KLF8: variants seen among roughly 807,000 people sequenced by gnomAD.
The protein encoded by KLF8 is Krueppel-like factor 8.
In KLF8, 10 loss-of-function variants were observed where a neutral mutation model predicts 18.2. The ratio of observed to expected loss-of-function variants is 0.55; its 90% CI spans 0.34 to 0.93. The LOEUF is 0.93. Among genes scored for constraint, KLF8 ranks in the 40% least tolerant of loss-of-function variants. The pLI is 0.02. For synonymous variants in KLF8, 109 were observed against 97.3 expected (o/e 1.12, Z -0.71); for missense variants, 264 against 277.9 (o/e 0.95, Z 0.36).
Position 56,266,941 on chromosome X carries a change from T to C in KLF8, c.646+1197T>C, listed in dbSNP as rs921644019. 3 of 751,958 alleles carry C rather than the reference T, an allele frequency of 4.0e-6. No individual in the cohort carries two copies. In the African/African-American group the frequency reaches 6.9e-5, roughly 17 times the overall value. 62.0% of individuals were successfully genotyped at this position (751,958 alleles called of 1,213,427 possible). A position where few individuals can be genotyped will look rare whatever the true frequency, so the allele number is the denominator to read the frequency against. On this transcript the variant is annotated intron_variant, in intron 3 of 5. Coordinates refer to ENST00000468660, the MANE Select transcript of KLF8 (RefSeq NM_007250.5). ...ATTGACTAGTGGTTAATTGTGGTAA[T>C]GATAAGTGTTCATAATCTTATTTTG... is the stretch of plus-strand genomic sequence containing the variant.
the KLF8 span, among the ~76,000 whole-genome samples, chrX:56,105,637 C>T: frequency 9.2e-6 from 1 of 108,517 alleles, no homozygotes; most frequent in Non-Finnish European, 1.9e-5. Context: ...GAATACAGCA[C>T]ACTGATGGTT....
At chrX:55,956,099 G>A in the KLF8 span, among the ~76,000 whole-genome samples, 1 of 109,799 alleles carries the variant, frequency 9.1e-6, no homozygotes, top group African/African-American at 3.3e-5. Context: ...AATCACATGA[G>A]CGAATTCCTT....
At chrX:55,961,619 C>A in the KLF8 span, 3 of 432,081 alleles carry the variant, frequency 6.9e-6, no homozygotes, top group East Asian at 9.2e-5. Context: ...GCGACCTTAA[C>A]GATCAGAGCC....
chrX:56,198,135 C>T, the KLF8 span, among the ~76,000 whole-genome samples: 1 of 112,069 alleles, frequency 8.9e-6, no homozygotes, highest in East Asian at 2.8e-4. Context: ...CAATATCATA[C>T]TGAATGGACA....
the KLF8 span, among the ~76,000 whole-genome samples, chrX:56,199,722 C>T: frequency 9.0e-6 from 1 of 111,571 alleles, no homozygotes; most frequent in Non-Finnish European, 1.9e-5. Context: ...CCAGCAATTC[C>T]TTTATTTGAT....
At chrX:56,029,186 C>T in the KLF8 span, among the ~76,000 whole-genome samples, 6 of 110,627 alleles carry the variant, frequency 5.4e-5, no homozygotes, top group African/African-American at 2.0e-4. Context: ...TTAGCTAGTG[C>T]CGGTTTTATC....
At chrX:56,008,276 C>T in the KLF8 span, among the ~76,000 whole-genome samples, 1 of 108,922 alleles carries the variant, frequency 9.2e-6, no homozygotes, top group Non-Finnish European at 1.9e-5. Flanking sequence ...AGGAGGCTCC[C>T]ACTGAGAAGA....
the KLF8 span, among the ~76,000 whole-genome samples, chrX:56,158,734 T>A: frequency 1.8e-5 from 2 of 112,314 alleles, no homozygotes; most frequent in East Asian, 5.6e-4. Context: ...GCACATTGAT[T>A]TTGTATCCTG....
the KLF8 span, among the ~76,000 whole-genome samples, chrX:55,921,596 C>T: frequency 7.2e-5 from 8 of 111,114 alleles, no homozygotes; most frequent in South Asian, 1.9e-3. Context: ...AGCAATGCTA[C>T]GAAAGCAAAA....
the KLF8 span, among the ~76,000 whole-genome samples, chrX:56,077,673 G>C: frequency 9.0e-6 from 1 of 111,623 alleles, no homozygotes; most frequent in Admixed American, 9.5e-5. Context: ...TTCCAATTCT[G>C]TGAAGAAAGT....
the KLF8 span, among the ~76,000 whole-genome samples, chrX:56,138,858 C>A: frequency 1.8e-5 from 2 of 110,848 alleles, no homozygotes; most frequent in Non-Finnish European, 3.8e-5. Context: ...CATCCAAATA[C>A]GAACAGAAGA....
At chrX:56,019,923 C>T in the KLF8 span, among the ~76,000 whole-genome samples, 1 of 111,543 alleles carries the variant, frequency 9.0e-6, no homozygotes, top group Non-Finnish European at 1.9e-5. Flanking sequence ...TTTTCCTCTA[C>T]CTAAACTCAA....
the KLF8 span, among the ~76,000 whole-genome samples, chrX:56,031,709 A>G: frequency 1.8e-5 from 2 of 111,681 alleles, no homozygotes; most frequent in Admixed American, 9.5e-5. Context: ...CAGTCAGCGA[A>G]CCAAGAAATG....
the KLF8 span, among the ~76,000 whole-genome samples, chrX:56,155,965 C>T: frequency 7.2e-5 from 8 of 111,715 alleles, no homozygotes; most frequent in Non-Finnish European, 9.4e-5. Context: ...CAGCTCCATC[C>T]GTGTTGCTAT....
the KLF8 span, among the ~76,000 whole-genome samples, chrX:55,928,613 AT>A: frequency 9.0e-6 from 1 of 110,895 alleles, no homozygotes; most frequent in African/African-American, 3.3e-5. Flanking sequence ...AACATGTAGT[AT>A]TTGGTTTTTG....
chrX:56,125,438 A>G, the KLF8 span, among the ~76,000 whole-genome samples: 5 of 112,196 alleles, frequency 4.5e-5, no homozygotes, highest in Non-Finnish European at 9.4e-5. Context: ...AGAGGATTCC[A>G]TGTGTTCCAA....
chrX:56,219,097 A>G, the KLF8 span, among the ~76,000 whole-genome samples: 5 of 112,426 alleles, frequency 4.4e-5, no homozygotes, highest in Admixed American at 9.4e-5. Flanking sequence ...TATAAATGTC[A>G]TAATGTGCTG....
the KLF8 span, among the ~76,000 whole-genome samples, chrX:55,977,605 G>A: frequency 1.2e-4 from 13 of 110,851 alleles, no homozygotes; most frequent in Admixed American, 3.9e-4. Flanking sequence ...GATGTTTTGT[G>A]AGAAAATTAG....
At chrX:55,991,173 C>T in the KLF8 span, among the ~76,000 whole-genome samples, 1 of 112,233 alleles carries the variant, frequency 8.9e-6, no homozygotes, top group Non-Finnish European at 1.9e-5. Context: ...TTCCTGGCCA[C>T]TTTGTTTATA....
Sources: allele counts gnomAD v4.1 joint callset (sites outside exome capture counted in the v4.1 genomes callset), GRCh38; gene constraint gnomAD v4.1.1; transcripts MANE v1.5; gene names NCBI Gene and HGNC (gene_info 2026-07-23, HGNC 2026-07-21).